WARS2: variants seen among roughly 807,000 people sequenced by gnomAD.
WARS2 encodes tryptophanyl tRNA synthetase 2, mitochondrial.
In WARS2, 28 loss-of-function variants were observed where a neutral mutation model predicts 36.5. That is an observed-to-expected ratio of 0.77 (90% CI 0.57 to 1.05). WARS2 has a LOEUF of 1.05. Ranked by LOEUF, WARS2 falls within the 50% of genes least tolerant of loss-of-function variation. The pLI is 0.00. For missense variants in WARS2, 435 were observed against 456.8 expected, an observed-to-expected ratio of 0.95 and a Z score of 0.44; for synonymous variants, 174 against 178.4, an observed-to-expected ratio of 0.98 and a Z score of 0.20.
intron 1 of WARS2, among the ~76,000 whole-genome samples, chr1:119,115,489 T>C (rs1212202423): frequency 6.6e-6 from 1 of 152,204 alleles, no homozygotes; most frequent in Non-Finnish European, 1.5e-5. Context: ...GACATGTTAT[T>C]TTCTGGATAG....
chr1:119,121,451 A>G (rs1000048886), intron 1 of WARS2, among the ~76,000 whole-genome samples: 1 of 152,188 alleles, frequency 6.6e-6, no homozygotes, highest in African/African-American at 2.4e-5. Context: ...CAATATTGTA[A>G]AAATGACCAT....
chr1:119,127,775 C>T (rs1256888313), intron 1 of WARS2, among the ~76,000 whole-genome samples: 1 of 152,084 alleles, frequency 6.6e-6, no homozygotes, highest in African/African-American at 2.4e-5. Context: ...CATTTTTTCC[C>T]ATTTCTTTCC....
At chr1:119,067,556 C>T (rs1352103878) in intron 2 of WARS2, among the ~76,000 whole-genome samples, 1 of 152,224 alleles carries the variant, frequency 6.6e-6, no homozygotes, top group Admixed American at 6.5e-5. Context: ...AACTTTATCT[C>T]CATCTTCTAA....
At chr1:119,109,305 A>G (rs1654461714) in intron 1 of WARS2, among the ~76,000 whole-genome samples, 1 of 151,936 alleles carries the variant, frequency 6.6e-6, no homozygotes, top group South Asian at 2.1e-4. Flanking sequence ...CTCCAACTAT[A>G]AGAGTGCATT....
intron 1 of WARS2, among the ~76,000 whole-genome samples, chr1:119,123,792 C>G (rs923013052): frequency 2.0e-5 from 3 of 151,922 alleles, no homozygotes; most frequent in Non-Finnish European, 4.4e-5. Context: ...CCTCCCCTCC[C>G]TCCTTCCCCT....
rs147102538 is a variant in WARS2, at chr1:119,085,423, C to T, written c.91-8816G>A. On this transcript the variant is annotated intron_variant, in intron 1 of 5. Coordinates refer to ENST00000235521, the MANE Select transcript of WARS2 (RefSeq NM_015836.4). ...CTGGGTGACGAAGAGGATGGTTGCT[C>T]TGCCTGTACCTCCCAGTCAGTTGTC... 9.3e-4 allele frequency: 1,373 copies of T among 1,474,270 alleles called. 1 individual carries two copies. Among genetic ancestry groups the T allele is most frequent in the Non-Finnish European group, 1.1e-3 (1,170 of 1,073,878 alleles). The allele number at this position is 1,474,270 out of a possible 1,614,324, so 91.3% of individuals were successfully genotyped here.
intron 2 of WARS2, among the ~76,000 whole-genome samples, chr1:119,061,914 A>G (rs1281845044): frequency 2.0e-5 from 3 of 152,226 alleles, no homozygotes; most frequent in African/African-American, 7.2e-5. Flanking sequence ...CCCAGCTGGT[A>G]AAGTACATCT....
chr1:119,125,936 C>A (rs966502219), intron 1 of WARS2, among the ~76,000 whole-genome samples: 4 of 152,204 alleles, frequency 2.6e-5, no homozygotes, highest in African/African-American at 9.6e-5. Flanking sequence ...AGAATTTCTC[C>A]ATTTTTGAAA....
intron 1 of WARS2, among the ~76,000 whole-genome samples, chr1:119,122,181 C>A (rs1655366826): frequency 6.6e-6 from 1 of 152,034 alleles, no homozygotes; most frequent in South Asian, 2.1e-4. Context: ...ACAAAGAACT[C>A]AAACAAATCA....
In WARS2 at chr1:119,116,984, A is replaced by T. The variant is rs147633794; in HGVS notation, c.90+23571T>A. On this transcript the variant is annotated intron_variant, in intron 1 of 5. Transcript: ENST00000235521. ...AGGTTCAGGCAGGCAGGGAGGTAAG[A>T]ACTGAGAGCCCTGCTTGCTTTCTCA... Among the ~76,000 whole-genome samples, 37 of 152,304 alleles carry T rather than the reference A, an allele frequency of 2.4e-4. 2 individuals are homozygous for T. In the East Asian group the frequency reaches 7.2e-3, roughly 29 times the overall value.
At chr1:119,140,325 A>G (rs1463244647) in intron 1 of WARS2, 3 of 385,672 alleles carry the variant, frequency 7.8e-6, no homozygotes, top group African/African-American at 2.1e-5. Flanking sequence ...TGGCGGCAAG[A>G]GGTCAGAAAG....
At chr1:119,035,247 C>A (rs1018963746) in intron 4 of WARS2, among the ~76,000 whole-genome samples, 1 of 152,034 alleles carries the variant, frequency 6.6e-6, no homozygotes, top group Admixed American at 6.6e-5. Context: ...CAATTTTATA[C>A]ATGCAATGCT....
intron 1 of WARS2, among the ~76,000 whole-genome samples, chr1:119,130,478 T>A (rs1656022431): frequency 6.6e-6 from 1 of 152,202 alleles, no homozygotes; most frequent in Non-Finnish European, 1.5e-5. Context: ...AGCGACAAGT[T>A]TGAAATTCAT....
At chr1:119,123,837 C>T (rs1045405685) in intron 1 of WARS2, among the ~76,000 whole-genome samples, 2 of 151,912 alleles carry the variant, frequency 1.3e-5, no homozygotes, top group Admixed American at 6.6e-5. Context: ...AAACCTACTG[C>T]ACAGATAATT....
chr1:119,045,365 C>T (rs1300478237), intron 3 of WARS2, among the ~76,000 whole-genome samples: 1 of 152,178 alleles, frequency 6.6e-6, no homozygotes, highest in East Asian at 1.9e-4. Context: ...CAACTGTACA[C>T]AGATAAAAAC....
intron 1 of WARS2, among the ~76,000 whole-genome samples, chr1:119,133,071 T>C (rs772471819): frequency 6.6e-6 from 1 of 152,216 alleles, no homozygotes; most frequent in Non-Finnish European, 1.5e-5. Context: ...CTCCTCTACC[T>C]GCAGGGCTCT....
rs34605879 is a variant in WARS2, at chr1:119,068,854, T to TACAC, written c.348+7492_348+7495dup. On this transcript the variant is annotated intron_variant, in intron 2 of 5. Transcript: ENST00000235521. Reference sequence around the variant, plus strand: ...TCTCTCTCTCTCACACACACACACATACACACACACACACACACACACCTT... The same window carrying TACAC: ...TCTCTCTCTCTCACACACACACACATACACACACACACACACACACACACACCTT... Among the ~76,000 whole-genome samples the TACAC allele has an allele frequency of 6.0e-5, 9 of 148,818 alleles. No individual in the cohort carries two copies. In the South Asian group the frequency reaches 6.4e-4, roughly 11 times the overall value.
chr1:119,083,738 A>G (rs2101363729), intron 1 of WARS2, among the ~76,000 whole-genome samples: 1 of 152,334 alleles, frequency 6.6e-6, no homozygotes, highest in Middle Eastern at 3.4e-3. Flanking sequence ...TAAGGAGGCA[A>G]GTCTTTTTTT....
At chr1:119,080,063 T>C (rs999681484) in intron 1 of WARS2, among the ~76,000 whole-genome samples, 1 of 152,046 alleles carries the variant, frequency 6.6e-6, no homozygotes, top group Non-Finnish European at 1.5e-5. Flanking sequence ...ATTCCTGATA[T>C]GGGAATAAGC....
Sources: allele counts gnomAD v4.1 joint callset (sites outside exome capture counted in the v4.1 genomes callset), GRCh38; gene constraint gnomAD v4.1.1; transcripts MANE v1.5; gene names NCBI Gene and HGNC (gene_info 2026-07-23, HGNC 2026-07-21).